Variants in OR3A2 observed in about 807,000 individuals in gnomAD.
OR3A2 encodes the protein olfactory receptor family 3 subfamily A member 2, also known as olfactory receptor 3A2.
For missense variants in OR3A2, 318 were observed against 392.8 expected, an observed-to-expected ratio of 0.81 and a Z score of 1.61; for synonymous variants, 126 against 159.3, an observed-to-expected ratio of 0.79 and a Z score of 1.57.
At chr17:3,360,240 T>C (rs996781629) in intron 2 of OR3A2, among the ~76,000 whole-genome samples, 3 of 146,292 alleles carry the variant, frequency 2.1e-5, no homozygotes, top group African/African-American at 8.0e-5. Context: ...TGTCTGTTCA[T>C]ATCCTTCGCC....
At chr17:3,330,908 G>C (rs1416760696) in intron 3 of OR3A2, among the ~76,000 whole-genome samples, 1 of 151,700 alleles carries the variant, frequency 6.6e-6, no homozygotes, top group Non-Finnish European at 1.5e-5. Flanking sequence ...GGCAGGCCTG[G>C]TGGTGACAAA....
Position 3,331,787 on chromosome 17 carries a change from C to G in OR3A2, c.-85+4246G>C, listed in dbSNP as rs540536210. On this transcript the variant is annotated intron_variant, in intron 3 of 4. Transcript: ENST00000573491. ...CTGCATTCCTTTGGAGGAGGAGAGG[C>G]GCTCTGCATTTTAGAGTTTCCAGTT... Among the ~76,000 whole-genome samples, 21 of 151,790 alleles carry G rather than the reference C, an allele frequency of 1.4e-4. No homozygotes were observed. In the East Asian group the frequency reaches 4.1e-3, roughly 29 times the overall value.
exon 2 of OR3A2, chr17:3,277,825 TCC>T (rs1309901656): frequency 4.8e-6 from 4 of 835,324 alleles, no homozygotes; most frequent in Non-Finnish European, 5.7e-6. Flanking sequence ...ATGTAGGGTT[TCC>T]TAGTAGGACA....
intron 2 of OR3A2, among the ~76,000 whole-genome samples, chr17:3,360,320 C>T (rs1429579405): frequency 6.6e-6 from 1 of 151,508 alleles, no homozygotes; most frequent in Non-Finnish European, 1.5e-5. Context: ...GATATTAGCC[C>T]ATTGTCAGAT....
intron 2 of OR3A2, among the ~76,000 whole-genome samples, chr17:3,371,106 T>C (rs1174951612): frequency 2.0e-5 from 3 of 151,946 alleles, no homozygotes; most frequent in East Asian, 3.9e-4. Context: ...ATTGTCATCA[T>C]GGCCCGTTCT....
chr17:3,350,754 C>G (rs2049413186), intron 2 of OR3A2, among the ~76,000 whole-genome samples: 1 of 151,020 alleles, frequency 6.6e-6, no homozygotes, highest in African/African-American at 2.4e-5. Context: ...AGACCAATAT[C>G]CTTGATGAAC....
chr17:3,328,508 G>C, intron 3 of OR3A2, among the ~76,000 whole-genome samples: 1 of 138,636 alleles, frequency 7.2e-6, no homozygotes, highest in African/African-American at 2.9e-5. Context: ...TGCAAACAGG[G>C]ACAATTTGAC....
At chr17:3,337,202 A>T (rs897947828) in intron 2 of OR3A2, among the ~76,000 whole-genome samples, 3 of 152,202 alleles carry the variant, frequency 2.0e-5, no homozygotes, top group African/African-American at 7.2e-5. Context: ...GGTACAGTTC[A>T]GTAGGATTAA....
At chr17:3,321,023 T>C (rs1351575125) in intron 3 of OR3A2, among the ~76,000 whole-genome samples, 4 of 152,128 alleles carry the variant, frequency 2.6e-5, no homozygotes, top group Admixed American at 1.3e-4. Context: ...ATGGAATGTG[T>C]TTCCATTTCT....
intron 3 of OR3A2, among the ~76,000 whole-genome samples, chr17:3,335,590 C>G (rs755053704): frequency 2.6e-4 from 39 of 152,142 alleles, no homozygotes; most frequent in Non-Finnish European, 3.2e-4. Context: ...TCCTAAATCA[C>G]TATGGCTCAA....
rs527550666 is a variant in OR3A2, at chr17:3,358,248, T to C, written c.-178-22122A>G. Reference sequence around the variant, plus strand: ...TCTGATTAAAGAATTAAGAAATAAATCATGGTTTTCTTGTGTCTTGATTTC... The same window carrying C: ...TCTGATTAAAGAATTAAGAAATAAACCATGGTTTTCTTGTGTCTTGATTTC... On this transcript the variant is annotated intron_variant, in intron 2 of 4. Coordinates refer to the OR3A2 transcript ENST00000573491. Among the ~76,000 whole-genome samples, 4 of 151,820 alleles carry C rather than the reference T, an allele frequency of 2.6e-5. No individual in the cohort carries two copies. In the South Asian group the frequency reaches 8.3e-4, roughly 31 times the overall value.
intron 3 of OR3A2, among the ~76,000 whole-genome samples, chr17:3,301,974 G>A (rs1043570314): frequency 1.3e-5 from 2 of 152,240 alleles, no homozygotes; most frequent in East Asian, 1.9e-4. Flanking sequence ...GCCAAATCAT[G>A]AGTGAACTCC....
chr17:3,319,677 C>A (rs962697593), intron 3 of OR3A2, among the ~76,000 whole-genome samples: 27 of 152,164 alleles, frequency 1.8e-4, no homozygotes, highest in African/African-American at 6.3e-4. Context: ...TTTCCAGTTT[C>A]ATCCATGTCC....
intron 1 of OR3A2, among the ~76,000 whole-genome samples, chr17:3,385,473 G>A (rs1458793713): frequency 1.3e-5 from 2 of 151,736 alleles, no homozygotes; most frequent in East Asian, 1.9e-4. Context: ...ATAGATAGAG[G>A]AGTTTGGATA....
intron 2 of OR3A2, among the ~76,000 whole-genome samples, chr17:3,348,351 T>A (rs964912089): frequency 1.3e-5 from 2 of 152,124 alleles, no homozygotes; most frequent in Non-Finnish European, 2.9e-5. Flanking sequence ...AATGCCTAGG[T>A]TTTCTTCTAG....
chr17:3,296,767 GA>G (rs2048921541), intron 3 of OR3A2, among the ~76,000 whole-genome samples: 2 of 152,020 alleles, frequency 1.3e-5, no homozygotes, highest in South Asian at 4.1e-4. Flanking sequence ...ATTACTATGG[GA>G]AAAAGATACA....
At chr17:3,372,601 C>G (rs986178010) in intron 2 of OR3A2, among the ~76,000 whole-genome samples, 20 of 152,224 alleles carry the variant, frequency 1.3e-4, no homozygotes, top group Middle Eastern at 3.4e-3. Context: ...GCTGGCGGAT[C>G]ACTCGCGGTT....
intron 3 of OR3A2, among the ~76,000 whole-genome samples, chr17:3,334,508 C>T (rs1406788520): frequency 2.6e-5 from 4 of 152,160 alleles, no homozygotes; most frequent in Admixed American, 1.3e-4. Context: ...AATATTCCAT[C>T]ACTGTAGATT....
At chr17:3,343,705 C>A (rs1175875722) in intron 2 of OR3A2, among the ~76,000 whole-genome samples, 1 of 152,146 alleles carries the variant, frequency 6.6e-6, no homozygotes, top group Non-Finnish European at 1.5e-5. Context: ...GTTGTCAGCA[C>A]TGTATTGAAC....
Sources: allele counts gnomAD v4.1 joint callset (sites outside exome capture counted in the v4.1 genomes callset), GRCh38; gene constraint gnomAD v4.1.1; transcripts MANE v1.5; gene names NCBI Gene and HGNC (gene_info 2026-07-23, HGNC 2026-07-21).